The following RSPO4 variants were observed in gnomAD, a reference collection of about 807,000 sequenced individuals.
RSPO4 encodes the protein R-spondin 4.
RSPO4 carries 23 observed loss-of-function variants against 24.8 expected under a neutral mutation model. The ratio of observed to expected loss-of-function variants is 0.93; its 90% CI spans 0.67 to 1.31. RSPO4 has a LOEUF of 1.31. RSPO4 is among the 40% of genes most tolerant of loss of function. The pLI, the probability that RSPO4 is intolerant of heterozygous loss-of-function variation, is 0.00. For synonymous variants in RSPO4, 141 were observed against 127.4 expected, an observed-to-expected ratio of 1.11 and a Z score of -0.72; for missense variants, 333 against 316.5, an observed-to-expected ratio of 1.05 and a Z score of -0.39.
chr20:976,401 T>G (rs1984561212), intron 1 of RSPO4, among the ~76,000 whole-genome samples: 1 of 152,176 alleles, frequency 6.6e-6, no homozygotes, highest in African/African-American at 2.4e-5. Flanking sequence ...AGCCAGCAGC[T>G]TTGGTCCTAG....
chr20:990,861 C>T (rs1197907804), intron 1 of RSPO4, among the ~76,000 whole-genome samples: 1 of 152,192 alleles, frequency 6.6e-6, no homozygotes, highest in African/African-American at 2.4e-5. Context: ...AAAGGGGACC[C>T]CAAGGACAGG....
rs768138495 is a variant in RSPO4 at position 968,119 on chromosome 20, G to GC, written c.98dup (p.Asn34GlnfsTer63). 8.1e-6 allele frequency: 13 copies of GC among 1,613,920 alleles called. No individual in the cohort carries two copies. Among genetic ancestry groups the GC allele is most frequent in the African/African-American group, 1.3e-5 (1 of 74,942 alleles). On this transcript the variant is annotated frameshift_variant, in exon 2 of 5. Transcript: ENST00000217260. LOFTEE classifies it high-confidence loss of function. ...AGCAGATGATACAGCCTGTGCAGTT[G>GC]CCCCCCAGGCCAGTGCCCACTGCCC... is the stretch of plus-strand genomic sequence containing the variant.
chr20:980,470 C>T (rs796875974), intron 1 of RSPO4, among the ~76,000 whole-genome samples: 31 of 152,278 alleles, frequency 2.0e-4, no homozygotes, highest in African/African-American at 5.8e-4. Flanking sequence ...CCCTCACCCC[C>T]AGTAGAGAGT....
At chr20:1,000,804 C>T (rs1489113408) in intron 1 of RSPO4, among the ~76,000 whole-genome samples, 1 of 152,190 alleles carries the variant, frequency 6.6e-6, no homozygotes, top group Non-Finnish European at 1.5e-5. Context: ...AAACCACACG[C>T]CTCTCTAGTC....
At chr20:993,316 A>G (rs1448477754) in intron 1 of RSPO4, among the ~76,000 whole-genome samples, 1 of 152,242 alleles carries the variant, frequency 6.6e-6, no homozygotes, top group African/African-American at 2.4e-5. Flanking sequence ...AGCATGGGAC[A>G]GCAGTGTCCG....
At chr20:980,356 C>T (rs1005970432) in intron 1 of RSPO4, among the ~76,000 whole-genome samples, 7 of 152,124 alleles carry the variant, frequency 4.6e-5, no homozygotes, top group South Asian at 2.1e-4. Context: ...AGGCCTTCTT[C>T]GGTGTCCGCT....
chr20:982,110 G>A (rs189422630), intron 1 of RSPO4, among the ~76,000 whole-genome samples: 86 of 152,218 alleles, frequency 5.6e-4, no homozygotes, highest in Non-Finnish European at 8.5e-4. Flanking sequence ...CTCATCATTC[G>A]GCAAGCTGTG....
chr20:972,377 A>G (rs550207433), intron 1 of RSPO4, among the ~76,000 whole-genome samples: 164 of 152,300 alleles, frequency 1.1e-3, no homozygotes, highest in Admixed American at 4.1e-3. Context: ...GAACCCTGAT[A>G]TTAAGCGGAG....
rs372843578 is a variant in RSPO4 at position 987,372 on chromosome 20, C to T, written c.79+14714G>A. On this transcript the variant is annotated intron_variant, in intron 1 of 4. Coordinates refer to ENST00000217260, the MANE Select transcript of RSPO4 (RefSeq NM_001029871.4). ...GAAGCTTTCAATTAGTCCTGCTGGGCAGCAGCCTTAGAGGGTAGAGGTAGG... is the reference window on the plus strand; with the variant it reads ...GAAGCTTTCAATTAGTCCTGCTGGGTAGCAGCCTTAGAGGGTAGAGGTAGG... 3.7e-4 allele frequency among the ~76,000 whole-genome samples: 56 copies of T among 152,292 alleles called. 1 individual carries two copies. The South Asian group carries it at 6.6e-3, about 18-fold the overall frequency.
intron 1 of RSPO4, among the ~76,000 whole-genome samples, chr20:975,647 A>G (rs1313747288): frequency 2.6e-5 from 4 of 152,210 alleles, no homozygotes; most frequent in African/African-American, 9.6e-5. Context: ...GGCTTATGAC[A>G]ACTCTGAATG....
chr20:977,558 T>C (rs1984604183), intron 1 of RSPO4, among the ~76,000 whole-genome samples: 1 of 152,160 alleles, frequency 6.6e-6, no homozygotes, highest in Admixed American at 6.5e-5. Context: ...TGTTGGCATT[T>C]GTGATCCTGG....
intron 1 of RSPO4, among the ~76,000 whole-genome samples, chr20:982,121 C>CTGGG (rs1469190387): frequency 6.6e-6 from 1 of 152,166 alleles, no homozygotes; most frequent in African/African-American, 2.4e-5. Flanking sequence ...GCAAGCTGTG[C>CTGGG]TGGGGGTAGA....
chr20:998,948 T>A (rs1985379257), intron 1 of RSPO4, among the ~76,000 whole-genome samples: 3 of 151,654 alleles, frequency 2.0e-5, no homozygotes, highest in Admixed American at 2.0e-4. Context: ...GTCTCTGATG[T>A]GTAATATGTT....
chr20:996,012 A>G (rs1056060035), intron 1 of RSPO4, among the ~76,000 whole-genome samples: 1 of 152,172 alleles, frequency 6.6e-6, no homozygotes, highest in African/African-American at 2.4e-5. Context: ...CTTGCAATGC[A>G]CTCTGATATA....
At chr20:998,681 G>A (rs1325552107) in intron 1 of RSPO4, among the ~76,000 whole-genome samples, 1 of 152,124 alleles carries the variant, frequency 6.6e-6, no homozygotes, top group Non-Finnish European at 1.5e-5. Flanking sequence ...GAGAAAGGTG[G>A]GAAAGGGTCA....
intron 1 of RSPO4, among the ~76,000 whole-genome samples, chr20:984,347 A>G (rs1295257693): frequency 3.3e-5 from 5 of 152,206 alleles, no homozygotes; most frequent in Non-Finnish European, 7.4e-5. Context: ...TCAGAAAAAA[A>G]GAAAGCTGAG....
At chr20:989,734 C>T (rs958671870) in intron 1 of RSPO4, among the ~76,000 whole-genome samples, 3 of 152,214 alleles carry the variant, frequency 2.0e-5, no homozygotes, top group Admixed American at 2.0e-4. Flanking sequence ...GCCTCAGTTT[C>T]CTCATCCGCG....
intron 1 of RSPO4, among the ~76,000 whole-genome samples, chr20:986,803 T>G (rs926712388): frequency 2.6e-5 from 4 of 151,656 alleles, no homozygotes; most frequent in African/African-American, 9.7e-5. Context: ...AAAAGGGGAA[T>G]GATCCAAGTG....
chr20:979,107 A>G (rs749971288), intron 1 of RSPO4, among the ~76,000 whole-genome samples: 8 of 152,060 alleles, frequency 5.3e-5, no homozygotes, highest in African/African-American at 9.7e-5. Context: ...CCCATCAGGA[A>G]TCCGGTCAGT....
Sources: allele counts gnomAD v4.1 joint callset (sites outside exome capture counted in the v4.1 genomes callset), GRCh38; gene constraint gnomAD v4.1.1; transcripts MANE v1.5; gene names NCBI Gene and HGNC (gene_info 2026-07-23, HGNC 2026-07-21).